The following ADAM32 variants were observed in gnomAD, a reference collection of about 807,000 sequenced individuals.
ADAM32 encodes disintegrin and metalloproteinase domain-containing protein 32.
Under a neutral mutation model 114.9 loss-of-function variants are expected in ADAM32, and 89 were observed. The ratio of observed to expected loss-of-function variants is 0.77; its 90% CI spans 0.65 to 0.92. The LOEUF (loss-of-function observed/expected upper bound fraction) is 0.92, where lower values mean the gene tolerates loss of function less well. Among genes scored for constraint, ADAM32 ranks in the 40% least tolerant of loss-of-function variants. The probability of loss-of-function intolerance (pLI) is 0.00; values close to 1 mark genes in which losing one functional copy is unlikely to be tolerated. For missense variants in ADAM32, 870 were observed against 932.8 expected (o/e 0.93, Z 0.88); for synonymous variants, 285 against 307.5 (o/e 0.93, Z 0.77).
At position 39,172,225 on chromosome 8, in the gene ADAM32, C is replaced by T. The variant is rs1318703108; in HGVS notation, c.915+2228C>T. The stretch of plus-strand genomic sequence containing the variant: ...GAAAATGAAATCCCATCTTCCTTTT[C>T]TTGGAATCTTTTACTACTTTTCTGG... On this transcript the variant is annotated intron_variant, in intron 10 of 24. Coordinates refer to ENST00000379907, the MANE Select transcript of ADAM32 (RefSeq NM_145004.7). Among the ~76,000 whole-genome samples, 3 of 151,916 alleles carry T rather than the reference C, an allele frequency of 2.0e-5. No individual in the cohort carries two copies. In the South Asian group the frequency reaches 6.2e-4, roughly 32 times the overall value.
intron 5 of ADAM32, among the ~76,000 whole-genome samples, chr8:39,150,842 T>C (rs1803780461): frequency 6.6e-6 from 1 of 151,956 alleles, no homozygotes; most frequent in South Asian, 2.1e-4. Context: ...TAACAAATAT[T>C]TCATAATTCT....
chr8:39,276,075 TA>T (rs1201289875), intron 22 of ADAM32: 2 of 433,314 alleles, frequency 4.6e-6, no homozygotes, highest in African/African-American at 4.1e-5. Flanking sequence ...GCAGTTTAGT[TA>T]ATATGTGTTG....
intron 17 of ADAM32, among the ~76,000 whole-genome samples, chr8:39,248,082 G>T (rs1811044734): frequency 6.6e-6 from 1 of 152,052 alleles, no homozygotes; most frequent in African/African-American, 2.4e-5. Flanking sequence ...ATATTGCCTC[G>T]ATTACTACAG....
chr8:39,191,514 CT>C (rs1316530049), intron 11 of ADAM32, among the ~76,000 whole-genome samples: 24 of 152,084 alleles, frequency 1.6e-4, no homozygotes, highest in African/African-American at 5.8e-4. Context: ...TGGTATGGAG[CT>C]TTTTTTCATA....
At position 39,284,798 on chromosome 8, in the gene ADAM32, A is replaced by G. The variant is rs1813675440; in HGVS notation, c.2363A>G (p.Ter788TrpextTer1). 1 of 1,613,852 alleles carries G rather than the reference A, an allele frequency of 6.2e-7. No homozygotes were observed. ...DSTQTQSSSN* is the reference protein window; with the variant it reads ...DSTQTQSSSNW ...TTTTTTGTTCTCTTCCACAGTAACT[A>G]GTGATTCCTTCAGAAGGCAACGGAT... The change falls in exon 25 of 25, where the codon TAG (stop) becomes TGG (tryptophan). Residue 788 changes from the stop codon to tryptophan (W), a stop_lost. Transcript: ENST00000379907.
intron 19 of ADAM32, among the ~76,000 whole-genome samples, chr8:39,259,390 T>A (rs73608634): frequency 2.0e-5 from 3 of 151,472 alleles, no homozygotes; most frequent in African/African-American, 4.8e-5. Context: ...TAGTAGAGAC[T>A]GGGTTTCTCC....
chr8:39,168,968 T>A (rs896325402), intron 9 of ADAM32: 18 of 152,208 alleles, frequency 1.2e-4, no homozygotes, highest in African/African-American at 3.9e-4. Context: ...AATACTTAGA[T>A]GTTGGAACAT....
At chr8:39,210,098 A>G (rs565720585) in intron 11 of ADAM32, among the ~76,000 whole-genome samples, 1 of 152,206 alleles carries the variant, frequency 6.6e-6, no homozygotes, top group Non-Finnish European at 1.5e-5. Flanking sequence ...TGCTGGGGTG[A>G]TGAATTTTCT....
rs1216748882 is a variant in ADAM32, at chr8:39,111,751, A to T, written c.58+3918A>T. Among the ~76,000 whole-genome samples the T allele has an allele frequency of 2.6e-5, 4 of 151,854 alleles. No individual in the cohort carries two copies. The East Asian group carries it at 7.7e-4, about 29-fold the overall frequency. On this transcript the variant is annotated intron_variant, in intron 1 of 24. Coordinates refer to ENST00000379907, the MANE Select transcript of ADAM32 (RefSeq NM_145004.7). ...AAAAAAAAAAAAAAAAAGGAAAAAA[A>T]AAAAGAACAAGTTGGGAAAAGCTGA... is the stretch of plus-strand genomic sequence containing the variant.
intron 10 of ADAM32, among the ~76,000 whole-genome samples, chr8:39,172,299 T>C (rs945555172): frequency 1.3e-5 from 2 of 152,168 alleles, no homozygotes; most frequent in Admixed American, 1.3e-4. Context: ...ATTGCAAACA[T>C]TGAGCTATTT....
At chr8:39,198,129 A>G (rs1807134403) in intron 11 of ADAM32, among the ~76,000 whole-genome samples, 1 of 151,488 alleles carries the variant, frequency 6.6e-6, no homozygotes, top group Non-Finnish European at 1.5e-5. Flanking sequence ...ACATAAGTAT[A>G]GCTACTCTTT....
intron 16 of ADAM32, among the ~76,000 whole-genome samples, chr8:39,237,742 A>C (rs894104865): frequency 2.6e-5 from 4 of 152,102 alleles, no homozygotes; most frequent in Non-Finnish European, 5.9e-5. Context: ...ACCCAAGGAG[A>C]GTTTGAGCTC....
rs115061088 is a variant in ADAM32, at chr8:39,152,390, T to A, written c.525+842T>A. On this transcript the variant is annotated intron_variant, in intron 6 of 24. Transcript: ENST00000379907. The stretch of plus-strand genomic sequence containing the variant: ...CAAGAGTATGTGGCAGTATTCATTG[T>A]TTCCAGTATATGCTCTCCCTGTTTT... 5.5e-3 allele frequency among the ~76,000 whole-genome samples: 844 copies of A among 152,244 alleles called. 13 individuals are homozygous for A. Among genetic ancestry groups the A allele is most frequent in the African/African-American group, 0.019 (807 of 41,548 alleles).
intron 20 of ADAM32, among the ~76,000 whole-genome samples, chr8:39,272,864 G>A (rs1415095043): frequency 6.6e-6 from 1 of 151,984 alleles, no homozygotes; most frequent in Admixed American, 6.6e-5. Flanking sequence ...TTTGACTCTT[G>A]TAATAACATT....
At chr8:39,110,356 C>A (rs926232606) in intron 1 of ADAM32, among the ~76,000 whole-genome samples, 3 of 152,212 alleles carry the variant, frequency 2.0e-5, no homozygotes, top group African/African-American at 7.2e-5. Flanking sequence ...CAGGCATGAG[C>A]CGCTGCACCC....
rs78627185 is a variant in ADAM32 at position 39,215,473 on chromosome 8, C to G, written c.1233+4149C>G. On this transcript the variant is annotated intron_variant, in intron 12 of 24. Coordinates refer to ENST00000379907, the MANE Select transcript of ADAM32 (RefSeq NM_145004.7). ...TTACTTTCTTGATTTTCAGATTGTT[C>G]ACTGTTACCATATAGAAATGTTTTT... 5.2e-3 allele frequency among the ~76,000 whole-genome samples: 796 copies of G among 151,912 alleles called. 1 individual carries two copies. The highest frequency in any genetic ancestry group is 8.2e-3 in the Non-Finnish European group (559 of 67,786).
intron 4 of ADAM32, 47 bp from the exon 5 acceptor site, chr8:39,149,719 GTATAGAAGTAGGAAATCACTAGAAA>G (rs1803706202): frequency 1.4e-5 from 15 of 1,050,892 alleles, no homozygotes; most frequent in Non-Finnish European, 2.2e-5. Flanking sequence ...GTTCTATCAA[GTATAGAAGTAGGAAATCACTAGAAA>G]GTTTTGTTAC....
At chr8:39,176,387 C>G (rs2129446696) in intron 10 of ADAM32, among the ~76,000 whole-genome samples, 1 of 152,242 alleles carries the variant, frequency 6.6e-6, no homozygotes, top group Non-Finnish European at 1.5e-5. Flanking sequence ...TACGTTGTCT[C>G]TTTGTTCTCA....
chr8:39,153,077 T>C (rs946347919), intron 6 of ADAM32, among the ~76,000 whole-genome samples: 5 of 152,206 alleles, frequency 3.3e-5, no homozygotes, highest in Non-Finnish European at 7.3e-5. Context: ...ACCATACCTC[T>C]TCACAAATTT....
Sources: allele counts gnomAD v4.1 joint callset (sites outside exome capture counted in the v4.1 genomes callset), GRCh38; gene constraint gnomAD v4.1.1; transcripts MANE v1.5; gene names NCBI Gene and HGNC (gene_info 2026-07-23, HGNC 2026-07-21).